The following RBBP8 variants were observed in gnomAD, a reference collection of about 807,000 sequenced individuals.
The protein encoded by RBBP8 is DNA endonuclease RBBP8.
A neutral mutation model predicts 108.3 loss-of-function variants in RBBP8; 88 were observed. The ratio of observed to expected loss-of-function variants is 0.81; its 90% CI spans 0.68 to 0.97. The LOEUF is 0.97. Ranked by LOEUF, RBBP8 falls within the 50% of genes least tolerant of loss-of-function variation. The pLI, the probability that RBBP8 is intolerant of heterozygous loss-of-function variation, is 0.00. For synonymous variants in RBBP8, 332 were observed against 348.2 expected (o/e 0.95, Z 0.52); for missense variants, 1,023 against 1,049.0 (o/e 0.98, Z 0.34).
At chr18:22,938,042 G>C (rs1488690497) in intron 2 of RBBP8, among the ~76,000 whole-genome samples, 1 of 152,048 alleles carries the variant, frequency 6.6e-6, no homozygotes, top group Non-Finnish European at 1.5e-5. Flanking sequence ...GCCCAGGCTG[G>C]TCTTGAACTT....
chr18:22,978,104 T>C (rs1301785945), intron 6 of RBBP8, among the ~76,000 whole-genome samples: 2 of 152,208 alleles, frequency 1.3e-5, no homozygotes, highest in African/African-American at 4.8e-5. Flanking sequence ...TTAAATTATG[T>C]TTTAACTGGA....
rs140813056 is a variant in RBBP8, at chr18:22,947,194, TTTAA to T, written c.152+713_152+716del. Among the ~76,000 whole-genome samples the T allele has an allele frequency of 1.5e-3, 235 of 152,212 alleles. 1 individual carries two copies. Among genetic ancestry groups the T allele is most frequent in the African/African-American group, 5.4e-3 (224 of 41,556 alleles). On this transcript the variant is annotated intron_variant, in intron 3 of 18. Coordinates refer to ENST00000327155, the MANE Select transcript of RBBP8 (RefSeq NM_002894.3). Reference sequence around the variant, plus strand: ...AACTCTTGTTTTCTTTTAAAATTATTTTAATTAAGAAATTTAAAGAATTGTAAAG... The same window carrying T: ...AACTCTTGTTTTCTTTTAAAATTATTTTAAGAAATTTAAAGAATTGTAAAG...
intron 5 of RBBP8, among the ~76,000 whole-genome samples, chr18:22,974,313 TCAAA>T (rs1049175617): frequency 2.6e-5 from 4 of 152,198 alleles, no homozygotes; most frequent in African/African-American, 9.6e-5. Context: ...TGGTGGAGAT[TCAAA>T]CAAACAGATA....
At chr18:22,917,476 T>C (rs1690189425) in intron 3 of RBBP8, among the ~76,000 whole-genome samples, 1 of 152,220 alleles carries the variant, frequency 6.6e-6, no homozygotes, top group Non-Finnish European at 1.5e-5. Context: ...TTAAATGAGA[T>C]ATCATGTAAA....
chr18:22,914,809 A>T (rs767003984), intron 1 of RBBP8, among the ~76,000 whole-genome samples: 1 of 152,128 alleles, frequency 6.6e-6, no homozygotes, highest in Non-Finnish European at 1.5e-5. Flanking sequence ...AAAAACAAAG[A>T]CCGTGGAATC....
intron 4 of RBBP8, among the ~76,000 whole-genome samples, chr18:22,962,649 C>T (rs868033893): frequency 1.3e-5 from 2 of 151,852 alleles, no homozygotes; most frequent in African/African-American, 4.8e-5. Flanking sequence ...CTCCACCTCT[C>T]GGGTTCAAGT....
At chr18:22,982,117 C>G in intron 6 of RBBP8, 101 bp from the exon 7 acceptor site, 1 of 1,348,832 alleles carries the variant, frequency 7.4e-7, no homozygotes, top group Non-Finnish European at 1.0e-6. Context: ...GATTACATCC[C>G]TTAGAGCTTC....
chr18:22,983,451 G>A (rs1915091344), intron 7 of RBBP8, among the ~76,000 whole-genome samples: 1 of 152,174 alleles, frequency 6.6e-6, no homozygotes, highest in African/African-American at 2.4e-5. Context: ...TTAAATAGGA[G>A]CTAAGTTAAA....
At chr18:22,997,504 T>C (rs2045880012) in intron 13 of RBBP8, 116 bp from the exon 14 acceptor site, 1 of 727,872 alleles carries the variant, frequency 1.4e-6, no homozygotes, top group Admixed American at 2.3e-5. Flanking sequence ...AGCTTAATGC[T>C]TAAAAGTTGT....
intron 2 of RBBP8, among the ~76,000 whole-genome samples, chr18:22,945,382 TA>T (rs1420747094): frequency 1.3e-5 from 2 of 152,122 alleles, no homozygotes; most frequent in Admixed American, 1.3e-4. Context: ...TGTTTTGTTT[TA>T]TTTTATTTTA....
intron 12 of RBBP8, among the ~76,000 whole-genome samples, chr18:22,994,935 A>G (rs1033345304): frequency 1.1e-4 from 17 of 151,946 alleles, no homozygotes; most frequent in African/African-American, 3.9e-4. Context: ...CTTGTTGCCC[A>G]GGTTGGTCTC....
chr18:22,957,322 C>G (rs879838078), intron 4 of RBBP8, among the ~76,000 whole-genome samples: 2 of 26,214 alleles, frequency 7.6e-5, no homozygotes, highest in African/African-American at 3.0e-4. Flanking sequence ...GCCTGTCTTT[C>G]TCTGGTAGAC....
chr18:22,990,236 A>G (rs952919235), intron 9 of RBBP8, among the ~76,000 whole-genome samples: 1 of 152,200 alleles, frequency 6.6e-6, no homozygotes, highest in Admixed American at 6.5e-5. Flanking sequence ...GGCCAATAGC[A>G]TCTGCATCAG....
intron 4 of RBBP8, among the ~76,000 whole-genome samples, chr18:22,964,458 C>G (rs575128046): frequency 1.3e-5 from 2 of 149,970 alleles, no homozygotes; most frequent in Admixed American, 6.7e-5. Flanking sequence ...TGCCTCAAAT[C>G]CCCTCCTGCG....
chr18:23,003,422 C>G (rs1379457169), intron 15 of RBBP8, among the ~76,000 whole-genome samples: 1 of 152,228 alleles, frequency 6.6e-6, no homozygotes, highest in African/African-American at 2.4e-5. Context: ...TGCTTTCTCA[C>G]ATAACCCTTA....
chr18:22,949,013 C>T (rs894997688), intron 3 of RBBP8, among the ~76,000 whole-genome samples: 1 of 152,060 alleles, frequency 6.6e-6, no homozygotes, highest in Non-Finnish European at 1.5e-5. Context: ...AACATAAAGC[C>T]TACTGTGTGC....
At chr18:22,959,171 T>C (rs981338636) in intron 4 of RBBP8, among the ~76,000 whole-genome samples, 2 of 152,222 alleles carry the variant, frequency 1.3e-5, no homozygotes, top group African/African-American at 4.8e-5. Context: ...AGGAACTAAA[T>C]TTTCAAAGGG....
Position 22,954,127 on chromosome 18 carries a change from T to C in RBBP8, c.248+4414T>C, listed in dbSNP as rs1181370977. On this transcript the variant is annotated intron_variant, in intron 4 of 18. Transcript: ENST00000327155. ...CAGCCAAATCATATCATTCCACTCC[T>C]TGCCCCTTCCAAATCTCATGTCCTC... 2.6e-5 allele frequency among the ~76,000 whole-genome samples: 4 copies of C among 152,134 alleles called. No individual in the cohort carries two copies. In the East Asian group the frequency reaches 7.7e-4, roughly 29 times the overall value.
At chr18:23,018,404 A>G (rs79644595) in intron 17 of RBBP8, among the ~76,000 whole-genome samples, 4,212 of 151,986 alleles carry the variant, frequency 0.028, 90 homozygotes, top group East Asian at 0.083. Context: ...AAACACTTAT[A>G]TTTTTCCTTT....
Sources: gnomAD v4.1 joint callset for allele counts (sites outside exome capture counted in the v4.1 genomes callset) on GRCh38, gnomAD v4.1.1 for gene constraint, MANE v1.5 for transcripts, NCBI Gene and HGNC (gene_info 2026-07-23, HGNC 2026-07-21) for gene names.